SLC6A12: variants seen among roughly 807,000 people sequenced by gnomAD.
SLC6A12 encodes the protein sodium- and chloride-dependent betaine transporter.
A neutral mutation model predicts 73.3 loss-of-function variants in SLC6A12; 50 were observed. The ratio of observed to expected loss-of-function variants is 0.68; its 90% CI spans 0.54 to 0.86. The LOEUF (loss-of-function observed/expected upper bound fraction) is 0.86, where lower values mean the gene tolerates loss of function less well. SLC6A12 is among the 40% of genes least tolerant of loss of function. SLC6A12 has a pLI of 0.00. For missense variants in SLC6A12, 648 were observed against 772.8 expected (o/e 0.84, Z 1.92); for synonymous variants, 304 against 309.2 (o/e 0.98, Z 0.18).
At chr12:208,180 C>T (rs752067800) in intron 3 of SLC6A12, among the ~76,000 whole-genome samples, 1 of 152,192 alleles carries the variant, frequency 6.6e-6, no homozygotes, top group Admixed American at 6.5e-5. Flanking sequence ...CCATCTCCAG[C>T]CCTAACATCC....
chr12:192,404 TTG>T, intron 15 of SLC6A12, 72 bp downstream of exon 15: 2 of 1,349,830 alleles, frequency 1.5e-6, no homozygotes, highest in Non-Finnish European at 2.1e-6. Flanking sequence ...CTGGCCCCAG[TTG>T]TGTGTCCTGC....
intron 12 of SLC6A12, 64 bp from the exon 13 acceptor site, chr12:195,391 G>A: frequency 9.3e-7 from 1 of 1,071,272 alleles, no homozygotes; most frequent in Non-Finnish European, 1.5e-6. Context: ...CCAGCCCTCA[G>A]TGAGATGGCA....
downstream of SLC6A12, among the ~76,000 whole-genome samples, chr12:188,180 C>T (rs1203113979): frequency 1.3e-5 from 2 of 152,128 alleles, no homozygotes; most frequent in Non-Finnish European, 2.9e-5. Context: ...CGGCGCTGGT[C>T]GGGGAGGCTC....
In SLC6A12 at chr12:214,057, C is replaced by T. The variant is rs1229705448; in HGVS notation, c.-278G>A. 1 of 152,514 alleles carries T rather than the reference C, an allele frequency of 6.6e-6. No individual in the cohort carries two copies. The highest frequency in any genetic ancestry group is 1.5e-5 in the Non-Finnish European group (1 of 68,298). 9.4% of individuals were successfully genotyped at this position (152,514 alleles called of 1,614,324 possible). On this transcript the variant is annotated 5_prime_UTR_variant, in exon 1 of 16. Coordinates refer to ENST00000684302, the MANE Select transcript of SLC6A12 (RefSeq NM_001122848.3). This position sits in a 1 kb window ranked among gnomAD's most constrained non-coding sequence, Gnocchi z 4.2. ...GGGAAACTGCCCTCCACGTTCACGC[C>T]TTACCCTGTTCCTCCCAGCGCAGAA...
chr12:199,144 A>G, intron 7 of SLC6A12: 15 of 280,736 alleles, frequency 5.3e-5, no homozygotes, highest in Non-Finnish European at 6.4e-5. Flanking sequence ...CAGCAGGGGG[A>G]GGGTGGGGAG....
chr12:196,912 C>T, intron 10 of SLC6A12, 30 bp from the exon 11 acceptor site: 1 of 1,538,564 alleles, frequency 6.5e-7, no homozygotes, highest in Non-Finnish European at 9.0e-7. Context: ...GTCAGGGAGG[C>T]TCCAGGGCGT....
chr12:190,688 T>C lies in SLC6A12; in HGVS notation c.*380A>G. ...CATTGGACGGCAGTGTGCGTTCCAATTATAGCTCCTCTCCCCGTGTACAAA... is the reference window on the plus strand; with the variant it reads ...CATTGGACGGCAGTGTGCGTTCCAACTATAGCTCCTCTCCCCGTGTACAAA... On this transcript the variant is annotated 3_prime_UTR_variant, in exon 16 of 16. Coordinates refer to ENST00000684302, the MANE Select transcript of SLC6A12 (RefSeq NM_001122848.3). 6.3e-6 allele frequency: 1 copy of C among 159,844 alleles called. No homozygotes were observed. Among genetic ancestry groups the C allele is most frequent in the East Asian group, 1.8e-4 (1 of 5,658 alleles). The allele number at this position is 159,844 out of a possible 1,614,324, so 9.9% of individuals were successfully genotyped here. A position where few individuals can be genotyped will look rare whatever the true frequency, so the allele number is the denominator to read the frequency against.
intron 5 of SLC6A12, among the ~76,000 whole-genome samples, chr12:202,134 G>A (rs1420273256): frequency 6.6e-6 from 1 of 152,126 alleles, no homozygotes; most frequent in Admixed American, 6.5e-5. Context: ...GGTACGGAAT[G>A]CACTCTCCCC....
downstream of SLC6A12, among the ~76,000 whole-genome samples, chr12:186,764 G>A (rs189277563): frequency 2.2e-4 from 33 of 152,356 alleles, no homozygotes; most frequent in East Asian, 6.4e-3. Flanking sequence ...TCTGAAATTA[G>A]AGGTATCCAC....
chr12:192,836 T>TA lies in SLC6A12; in HGVS notation c.1531-189dup, dbSNP rs199913618. 3.9e-3 allele frequency among the ~76,000 whole-genome samples: 562 copies of TA among 145,078 alleles called. 5 individuals are homozygous for TA. The highest frequency in any genetic ancestry group is 0.014 in the African/African-American group (520 of 37,842). The stretch of plus-strand genomic sequence containing the variant: ...CATCACAGACGGAGACAGGAGGCGA[T>TA]ACAAAGGAAGGGAGGGGCTCGGAAG... On this transcript the variant is annotated intron_variant, in intron 14 of 15. Transcript: ENST00000684302.
rs548365250 is a variant in SLC6A12 at position 197,886 on chromosome 12, C to A, written c.950+14G>T. The A allele has an allele frequency of 5.5e-5, 87 of 1,570,056 alleles. 2 individuals are homozygous for A. In the Admixed American group the frequency reaches 1.1e-3, roughly 20 times the overall value. On this transcript the variant is annotated intron_variant, in intron 9 of 15. Transcript: ENST00000684302. ...AACCCTCCTTCACCCCACCCCGGCC[C>A]ACGCTGTTCTCACTTGTAGCAGTTG...
At position 193,378 on chromosome 12, in the gene SLC6A12, C is replaced by A; in HGVS notation, c.1430-1G>T. ...ATGTTGTCATAGAAACGGTCCGCCC[C>A]TGAGCAGGCATGGCGTGGGAGAGTG... On this transcript the variant is annotated splice_acceptor_variant, in intron 13 of 15. Coordinates refer to ENST00000684302, the MANE Select transcript of SLC6A12 (RefSeq NM_001122848.3). LOFTEE classifies it high-confidence loss of function. 1 of 1,612,382 alleles carries A rather than the reference C, an allele frequency of 6.2e-7. No homozygotes were observed. Among genetic ancestry groups the A allele is most frequent in the South Asian group, 1.1e-5 (1 of 91,028 alleles).
At chr12:211,314 A>G (rs1940896535) in intron 2 of SLC6A12, 1 of 152,270 alleles carries the variant, frequency 6.6e-6, no homozygotes, top group Non-Finnish European at 1.5e-5. Flanking sequence ...GGCAGGAGCC[A>G]TTTGAGGTAA....
chr12:211,014 T>A (rs1333138082), intron 2 of SLC6A12: 3 of 126,468 alleles, frequency 2.4e-5, no homozygotes, highest in Non-Finnish European at 5.8e-5. Context: ...ATGTTTGCCT[T>A]CTCCTCCCTC....
chr12:186,772 C>T (rs1248070062), downstream of SLC6A12, among the ~76,000 whole-genome samples: 1 of 152,196 alleles, frequency 6.6e-6, no homozygotes, highest in Non-Finnish European at 1.5e-5. Flanking sequence ...TAGAGGTATC[C>T]ACTACCCTTC....
chr12:186,368 G>A (rs748477258), downstream of SLC6A12, among the ~76,000 whole-genome samples: 7 of 152,178 alleles, frequency 4.6e-5, no homozygotes, highest in Non-Finnish European at 7.4e-5. Flanking sequence ...GCAAGCAATT[G>A]GATCCAAGGA....
At chr12:193,133 G>T in intron 14 of SLC6A12, 144 bp downstream of exon 14, 1 of 656,694 alleles carries the variant, frequency 1.5e-6, no homozygotes. Context: ...GAGCAGGGAA[G>T]GCAACATAGA....
At position 197,567 on chromosome 12, in the gene SLC6A12, C is replaced by G. The variant is rs541528343; in HGVS notation, c.951-66G>C. 64 of 1,524,262 alleles carry G rather than the reference C, an allele frequency of 4.2e-5. No homozygotes were observed. In the East Asian group the frequency reaches 1.3e-3, roughly 31 times the overall value. 94.4% of individuals were successfully genotyped at this position (1,524,262 alleles called of 1,614,324 possible). A position where few individuals can be genotyped will look rare whatever the true frequency, so the allele number is the denominator to read the frequency against. ...AAGAGAGGAAGAGAGAGAGATCAGT[C>G]ATGGGAGGAGAGGTCAAAAGACAGT... is the stretch of plus-strand genomic sequence containing the variant. On this transcript the variant is annotated intron_variant, in intron 9 of 15. Coordinates refer to ENST00000684302, the MANE Select transcript of SLC6A12 (RefSeq NM_001122848.3).
chr12:192,894 G>A, intron 14 of SLC6A12: 1 of 468,830 alleles, frequency 2.1e-6, no homozygotes. Context: ...GAGACAGGAG[G>A]CGATACAAAG....
Sources: gnomAD v4.1 joint callset for allele counts (sites outside exome capture counted in the v4.1 genomes callset) on GRCh38, gnomAD v4.1.1 for gene constraint, Gnocchi (gnomAD v3.1) non-coding constraint, MANE v1.5 for transcripts, NCBI Gene and HGNC (gene_info 2026-07-23, HGNC 2026-07-21) for gene names.